MGAT4C: variants seen among roughly 807,000 people sequenced by gnomAD.
The protein encoded by MGAT4C is MGAT4 family member C, also known as alpha-1,3-mannosyl-glycoprotein 4-beta-N-acetylglucosaminyltransferase C.
In MGAT4C, 19 loss-of-function variants were observed where a neutral mutation model predicts 40.1. That is an observed-to-expected ratio of 0.47 (90% CI 0.33 to 0.70). MGAT4C has a LOEUF of 0.70. Among genes scored for constraint, MGAT4C ranks in the 30% least tolerant of loss-of-function variants. MGAT4C has a pLI of 0.02. For missense variants in MGAT4C, 491 were observed against 563.2 expected, an observed-to-expected ratio of 0.87 and a Z score of 1.30; for synonymous variants, 181 against 187.1, an observed-to-expected ratio of 0.97 and a Z score of 0.27.
chr12:86,459,086 A>G (rs1957552997), intron 2 of MGAT4C, among the ~76,000 whole-genome samples: 1 of 152,152 alleles, frequency 6.6e-6, no homozygotes, highest in South Asian at 2.1e-4. Flanking sequence ...TGTAGGTATA[A>G]CTGTAGTAAT....
At chr12:86,045,741 T>C (rs1018678554) in intron 2 of MGAT4C, among the ~76,000 whole-genome samples, 2 of 152,206 alleles carry the variant, frequency 1.3e-5, no homozygotes, top group African/African-American at 2.4e-5. Context: ...ATTTTGTTTA[T>C]TTCTTGTCTC....
intron 4 of MGAT4C, among the ~76,000 whole-genome samples, chr12:86,302,159 C>T (rs1953828185): frequency 6.6e-6 from 1 of 150,734 alleles, no homozygotes; most frequent in African/African-American, 2.5e-5. Flanking sequence ...TGTGTAAGCA[C>T]ACAAGAATTC....
Position 86,249,230 on chromosome 12 carries a change from T to C in MGAT4C, c.-57+7009A>G, listed in dbSNP as rs78756718. Among the ~76,000 whole-genome samples, 38 of 152,232 alleles carry C rather than the reference T, an allele frequency of 2.5e-4. No homozygotes were observed. In the East Asian group the frequency reaches 6.8e-3, roughly 27 times the overall value. ...CTCAAGTTCATAAATAGTGAATAAATACTGACTTCAGAAACTCTTTCCCAA... is the reference window on the plus strand; with the variant it reads ...CTCAAGTTCATAAATAGTGAATAAACACTGACTTCAGAAACTCTTTCCCAA... On this transcript the variant is annotated intron_variant, in intron 1 of 4. Transcript: ENST00000611864.
intron 3 of MGAT4C, among the ~76,000 whole-genome samples, chr12:85,985,145 G>C (rs1224437580): frequency 6.6e-6 from 1 of 152,198 alleles, no homozygotes; most frequent in Non-Finnish European, 1.5e-5. Context: ...TAAGACTGTA[G>C]AGAAAGTAAA....
intron 3 of MGAT4C, among the ~76,000 whole-genome samples, chr12:86,399,312 T>C (rs1045867665): frequency 6.6e-6 from 1 of 151,508 alleles, no homozygotes; most frequent in Non-Finnish European, 1.5e-5. Flanking sequence ...TGAGACAGTC[T>C]TGCTCTATCA....
chr12:86,815,747 G>A (rs1952590430), intron 1 of MGAT4C, among the ~76,000 whole-genome samples: 1 of 151,058 alleles, frequency 6.6e-6, no homozygotes, highest in Admixed American at 6.7e-5. Flanking sequence ...TCTAAGTTAA[G>A]TAACTCAAGA....
At position 86,075,285 on chromosome 12, in the gene MGAT4C, C is replaced by G. The variant is rs149239946; in HGVS notation, c.-56-25562G>C. On this transcript the variant is annotated intron_variant, in intron 1 of 4. Coordinates refer to ENST00000611864, the MANE Select transcript of MGAT4C (RefSeq NM_001351288.2). ...CAGTGGTGCAGTCAAATTTTAAAGTCCCAAAATGATCTCTCTTGACTCCAG... is the reference window on the plus strand; with the variant it reads ...CAGTGGTGCAGTCAAATTTTAAAGTGCCAAAATGATCTCTCTTGACTCCAG... Among the ~76,000 whole-genome samples the G allele has an allele frequency of 6.8e-3, 1,031 of 151,840 alleles. 6 individuals carry two copies. Among genetic ancestry groups the G allele is most frequent in the Non-Finnish European group, 9.4e-3 (635 of 67,782 alleles).
intron 1 of MGAT4C, among the ~76,000 whole-genome samples, chr12:86,199,533 G>T (rs1949958718): frequency 6.6e-6 from 1 of 151,942 alleles, no homozygotes; most frequent in Non-Finnish European, 1.5e-5. Context: ...TAATGTGTGT[G>T]TTTTTTATGT....
At chr12:86,221,845 T>C (rs558038406) in intron 1 of MGAT4C, among the ~76,000 whole-genome samples, 54 of 152,374 alleles carry the variant, frequency 3.5e-4, no homozygotes, top group Non-Finnish European at 3.7e-4. Context: ...AGGATTCATG[T>C]CTTGTTCTTT....
chr12:86,272,317 G>A (rs892025575), intron 4 of MGAT4C, among the ~76,000 whole-genome samples: 3 of 152,114 alleles, frequency 2.0e-5, no homozygotes, highest in Admixed American at 1.3e-4. Flanking sequence ...TTGTTTCCAT[G>A]TTTTGGCTAG....
intron 2 of MGAT4C, among the ~76,000 whole-genome samples, chr12:86,493,703 C>T (rs150342978): frequency 2.7e-4 from 41 of 151,718 alleles, no homozygotes; most frequent in Middle Eastern, 3.4e-3. Context: ...TGCTATATGA[C>T]GAGTTAATGG....
At chr12:86,462,840 G>C (rs1200907004) in intron 2 of MGAT4C, among the ~76,000 whole-genome samples, 1 of 152,116 alleles carries the variant, frequency 6.6e-6, no homozygotes, top group Non-Finnish European at 1.5e-5. Context: ...CTTTATTCCA[G>C]CTGCGCTGGA....
At chr12:86,828,635 T>G (rs1430846320) in intron 1 of MGAT4C, among the ~76,000 whole-genome samples, 1 of 151,472 alleles carries the variant, frequency 6.6e-6, no homozygotes, top group Non-Finnish European at 1.5e-5. Context: ...CATATGTACA[T>G]GAACTAGTTA....
chr12:86,509,537 G>A (rs1041265966), intron 2 of MGAT4C, among the ~76,000 whole-genome samples: 10 of 152,136 alleles, frequency 6.6e-5, no homozygotes, highest in South Asian at 2.1e-4. Flanking sequence ...TTGACTTGGC[G>A]ATGGGGGCTC....
In MGAT4C at chr12:85,969,084, A is replaced by G. The variant is rs995824783; in HGVS notation, c.*10205T>C. The G allele has an allele frequency of 6.6e-6, 1 of 151,792 alleles. No homozygotes were observed. Among genetic ancestry groups the G allele is most frequent in the African/African-American group, 2.4e-5 (1 of 41,406 alleles). 9.4% of individuals were successfully genotyped at this position (151,792 alleles called of 1,614,324 possible). On this transcript the variant is annotated 3_prime_UTR_variant, in exon 5 of 5. Coordinates refer to ENST00000611864, the MANE Select transcript of MGAT4C (RefSeq NM_001351288.2). ...TAACTAAAATACATTGAAAGTGCCA[A>G]TTCCTAGATCTATCCTAGATTTACA... is the stretch of plus-strand genomic sequence containing the variant.
intron 2 of MGAT4C, among the ~76,000 whole-genome samples, chr12:86,461,433 G>T (rs1439815666): frequency 4.6e-5 from 7 of 151,952 alleles, no homozygotes; most frequent in Non-Finnish European, 8.8e-5. Context: ...TTTTAGTAGA[G>T]ACGGGGTTTC....
intron 2 of MGAT4C, among the ~76,000 whole-genome samples, chr12:86,627,519 A>G (rs1209165861): frequency 2.0e-5 from 3 of 152,138 alleles, no homozygotes; most frequent in East Asian, 3.9e-4. Flanking sequence ...TGAAGCATCC[A>G]GAGGAAGGAT....
intron 1 of MGAT4C, among the ~76,000 whole-genome samples, chr12:86,791,439 T>G (rs201988669): frequency 0.021 from 3,074 of 149,800 alleles, 40 homozygotes; most frequent in Non-Finnish European, 0.025. Flanking sequence ...CTGTTTTTTT[T>G]TTTTTTTTTT....
intron 1 of MGAT4C, among the ~76,000 whole-genome samples, chr12:86,134,480 T>C (rs1024956117): frequency 4.6e-5 from 7 of 152,120 alleles, no homozygotes; most frequent in African/African-American, 1.7e-4. Flanking sequence ...TTTATAAATT[T>C]AAGGACCACC....
Sources: allele counts gnomAD v4.1 joint callset (sites outside exome capture counted in the v4.1 genomes callset), GRCh38; gene constraint gnomAD v4.1.1; transcripts MANE v1.5; gene names NCBI Gene and HGNC (gene_info 2026-07-23, HGNC 2026-07-21).